The following SEMA5A variants were observed in gnomAD, a reference collection of about 807,000 sequenced individuals.
The protein encoded by SEMA5A is semaphorin-5A.
Under a neutral mutation model 135.5 loss-of-function variants are expected in SEMA5A, and 55 were observed. The observed-to-expected ratio is 0.41, with a 90% CI of 0.33 to 0.51. The LOEUF is 0.51. Among genes scored for constraint, SEMA5A ranks in the 20% least tolerant of loss-of-function variants. SEMA5A has a pLI of 0.37. For synonymous variants in SEMA5A, 580 were observed against 546.5 expected (o/e 1.06, Z -0.85); for missense variants, 1,290 against 1,419.9 (o/e 0.91, Z 1.47).
chr5:9,181,897 C>T (rs1238776425), intron 11 of SEMA5A, among the ~76,000 whole-genome samples: 1 of 151,886 alleles, frequency 6.6e-6, no homozygotes, highest in South Asian at 2.1e-4. Flanking sequence ...GCCGCAGAGT[C>T]CCTCATCTAT....
chr5:9,347,833 C>T (rs1375924608), intron 3 of SEMA5A, among the ~76,000 whole-genome samples: 3 of 151,856 alleles, frequency 2.0e-5, no homozygotes, highest in Admixed American at 1.3e-4. Context: ...AACAACTAAA[C>T]ATATTTTTCC....
chr5:9,161,908 C>T (rs750853085), intron 11 of SEMA5A, among the ~76,000 whole-genome samples: 20 of 152,318 alleles, frequency 1.3e-4, no homozygotes, highest in East Asian at 1.9e-4. Flanking sequence ...CACAGCTACA[C>T]GGCCAGTAAA....
chr5:9,314,235 C>T (rs1219794022), intron 5 of SEMA5A, among the ~76,000 whole-genome samples: 2 of 152,034 alleles, frequency 1.3e-5, no homozygotes, highest in Admixed American at 6.6e-5. Context: ...ACAAGTCAAA[C>T]GTTCTGTCAC....
intron 1 of SEMA5A, among the ~76,000 whole-genome samples, chr5:9,438,297 A>G (rs1758105794): frequency 6.6e-6 from 1 of 152,198 alleles, no homozygotes; most frequent in Non-Finnish European, 1.5e-5. Context: ...AGGCAGTAGC[A>G]CAAACTCTGC....
At chr5:9,331,899 T>C (rs1753150945) in intron 4 of SEMA5A, among the ~76,000 whole-genome samples, 1 of 152,338 alleles carries the variant, frequency 6.6e-6, no homozygotes, top group Non-Finnish European at 1.5e-5. Flanking sequence ...TGGTTCAAAA[T>C]AATAAACGAA....
At chr5:9,522,337 CTTTGG>C (rs1736879865) in intron 1 of SEMA5A, among the ~76,000 whole-genome samples, 1 of 152,178 alleles carries the variant, frequency 6.6e-6, no homozygotes, top group Non-Finnish European at 1.5e-5. Flanking sequence ...AATCCCAGCA[CTTTGG>C]GAGGCTAAGA....
chr5:9,223,253 G>C (rs1747101812), intron 8 of SEMA5A, among the ~76,000 whole-genome samples: 2 of 152,164 alleles, frequency 1.3e-5, no homozygotes, highest in Admixed American at 1.3e-4. Context: ...TTAATGACGA[G>C]GACATCCTTT....
chr5:9,347,217 G>A (rs1274547223), intron 3 of SEMA5A, among the ~76,000 whole-genome samples: 5 of 152,032 alleles, frequency 3.3e-5, no homozygotes, highest in Middle Eastern at 6.3e-3. Context: ...GTGCTTTTTC[G>A]AATCTTTTCT....
At chr5:9,230,158 CTTTTTT>C (rs5865817) in intron 6 of SEMA5A, among the ~76,000 whole-genome samples, 14 of 98,284 alleles carry the variant, frequency 1.4e-4, no homozygotes, top group East Asian at 1.2e-3. Flanking sequence ...CTATTTTTTT[CTTTTTT>C]TTTTTTTTTT....
Position 9,039,763 on chromosome 5 carries a change from T to TAAG in SEMA5A, c.*3131_*3133dup, listed in dbSNP as rs1735859630. On this transcript the variant is annotated 3_prime_UTR_variant, in exon 23 of 23. Transcript: ENST00000382496. The stretch of plus-strand genomic sequence containing the variant: ...GCCCCCTGAGTTCCTTAGAATTCAC[T>TAAG]AAGTCCATATCATTCAGAGGTTACA... The TAAG allele has an allele frequency of 1.3e-5, 2 of 152,274 alleles. No individual in the cohort carries two copies. The highest frequency in any genetic ancestry group is 2.4e-5 in the African/African-American group (1 of 41,466). 9.4% of individuals were successfully genotyped at this position (152,274 alleles called of 1,614,324 possible). A position where few individuals can be genotyped will look rare whatever the true frequency, so the allele number is the denominator to read the frequency against.
At chr5:9,070,008 C>T (rs908399458) in intron 16 of SEMA5A, among the ~76,000 whole-genome samples, 38 of 152,160 alleles carry the variant, frequency 2.5e-4, no homozygotes, top group Admixed American at 1.6e-3. Context: ...CACTGCCCTT[C>T]CCTCCCTCAC....
At position 9,154,706 on chromosome 5, in the gene SEMA5A, C is replaced by G; in HGVS notation, c.1274-11G>C. 6.2e-7 allele frequency: 1 copy of G among 1,612,194 alleles called. No individual in the cohort carries two copies. ...TAATGGTTCCGTAATCTATGAAGGTCACAGGATGAAAAGGAAACAAGGTCA... is the reference window on the plus strand; with the variant it reads ...TAATGGTTCCGTAATCTATGAAGGTGACAGGATGAAAAGGAAACAAGGTCA... On this transcript the variant is annotated splice_polypyrimidine_tract_variant and intron_variant, in intron 11 of 22. Transcript: ENST00000382496.
At chr5:9,315,830 A>ATT (rs1752364877) in intron 5 of SEMA5A, among the ~76,000 whole-genome samples, 1 of 152,114 alleles carries the variant, frequency 6.6e-6, no homozygotes, top group South Asian at 2.1e-4. Flanking sequence ...TATTTGCCAG[A>ATT]TTTCTTTACT....
chr5:9,510,152 G>A (rs577869293), intron 1 of SEMA5A, among the ~76,000 whole-genome samples: 11 of 152,210 alleles, frequency 7.2e-5, no homozygotes, highest in South Asian at 6.2e-4. Flanking sequence ...TTTAACTCCC[G>A]TGGCATCTGG....
At chr5:9,067,007 T>G (rs1217609458) in intron 16 of SEMA5A, among the ~76,000 whole-genome samples, 1 of 152,200 alleles carries the variant, frequency 6.6e-6, no homozygotes, top group Admixed American at 6.5e-5. Flanking sequence ...GCTATTTTCT[T>G]TAAAAGATTG....
intron 11 of SEMA5A, among the ~76,000 whole-genome samples, chr5:9,176,201 G>A (rs1744195254): frequency 6.6e-6 from 1 of 152,230 alleles, no homozygotes; most frequent in African/African-American, 2.4e-5. Context: ...TCTCTGAGAA[G>A]AGAGGCTCTC....
chr5:9,080,988 A>G (rs1167262669), intron 16 of SEMA5A, among the ~76,000 whole-genome samples: 2 of 152,180 alleles, frequency 1.3e-5, no homozygotes, highest in African/African-American at 2.4e-5. Flanking sequence ...GGTTACAATA[A>G]TCCACAACCT....
intron 3 of SEMA5A, among the ~76,000 whole-genome samples, chr5:9,371,421 C>G (rs1388002250): frequency 1.3e-5 from 2 of 152,134 alleles, no homozygotes; most frequent in Non-Finnish European, 2.9e-5. Flanking sequence ...TTGTTAATAA[C>G]TTATAGTGGT....
rs1208324463 is a variant in SEMA5A, at chr5:9,318,426, T to C, written c.225-9A>G. The C allele has an allele frequency of 2.5e-6, 4 of 1,609,378 alleles. No homozygotes were observed. The African/African-American group carries it at 4.0e-5, about 16-fold the overall frequency. On this transcript the variant is annotated splice_polypyrimidine_tract_variant and intron_variant, in intron 4 of 22. Coordinates refer to ENST00000382496, the MANE Select transcript of SEMA5A (RefSeq NM_003966.3). Reference sequence around the variant, plus strand: ...ACCTGAAGAGGTAGTTTCTGCAAAATACAAAAACAGAGCAGTTTTATTTTT... The same window carrying C: ...ACCTGAAGAGGTAGTTTCTGCAAAACACAAAAACAGAGCAGTTTTATTTTT...
Sources: allele counts gnomAD v4.1 joint callset (sites outside exome capture counted in the v4.1 genomes callset), GRCh38; gene constraint gnomAD v4.1.1; transcripts MANE v1.5; gene names NCBI Gene and HGNC (gene_info 2026-07-23, HGNC 2026-07-21).